SPOPL: variants seen among roughly 807,000 people sequenced by gnomAD.
SPOPL encodes speckle type BTB/POZ protein like, also known as speckle-type POZ protein-like.
SPOPL carries 23 observed loss-of-function variants against 53.8 expected under a neutral mutation model. That is an observed-to-expected ratio of 0.43 (90% CI 0.31 to 0.61). The LOEUF (loss-of-function observed/expected upper bound fraction) is 0.61, where lower values mean the gene tolerates loss of function less well. Ranked by LOEUF, SPOPL falls within the 20% of genes least tolerant of loss-of-function variation. The pLI, the probability that SPOPL is intolerant of heterozygous loss-of-function variation, is 0.12. For synonymous variants in SPOPL, 164 were observed against 149.7 expected (o/e 1.10, Z -0.70); for missense variants, 442 against 466.9 (o/e 0.95, Z 0.49).
chr2:138,526,726 A>AT (rs1684684339), intron 1 of SPOPL, among the ~76,000 whole-genome samples: 2 of 116,440 alleles, frequency 1.7e-5, no homozygotes, highest in Non-Finnish European at 4.2e-5. Context: ...TAGAGTATGG[A>AT]ATTTTTTTTT....
In SPOPL at chr2:138,565,611, G is replaced by T. The variant is rs113465040; in HGVS notation, c.1034+618G>T. Among the ~76,000 whole-genome samples, 969 of 151,972 alleles carry T rather than the reference G, an allele frequency of 6.4e-3. 5 individuals are homozygous for T. The highest frequency in any genetic ancestry group is 0.022 in the African/African-American group (927 of 41,448). ...ACTTTTATATTCTTTGTTATTATTT[G>T]AAATCACAATGGGGAAAGAAGTCAA... On this transcript the variant is annotated intron_variant, in intron 10 of 10. Coordinates refer to ENST00000280098, the MANE Select transcript of SPOPL (RefSeq NM_001001664.3).
intron 5 of SPOPL, among the ~76,000 whole-genome samples, chr2:138,556,640 A>T (rs1685430116): frequency 1.3e-5 from 2 of 152,168 alleles, no homozygotes; most frequent in Non-Finnish European, 2.9e-5. Flanking sequence ...GATTAGTGAA[A>T]CTTTTTTATA....
Position 138,568,941 on chromosome 2 carries a change from C to A in SPOPL, c.1040C>A (p.Ala347Glu). The A allele has an allele frequency of 6.2e-7, 1 of 1,613,654 alleles. No individual in the cohort carries two copies. Among genetic ancestry groups the A allele is most frequent in the Non-Finnish European group, 8.5e-7 (1 of 1,179,798 alleles). The stretch of plus-strand genomic sequence containing the variant: ...CTTTTAATTCTATTTTTCAGCCAAG[C>A]AACCGACATAATGGAAACATCAGGG... The part of the protein sequence containing the change: ...KDGKNWNSNQ[A>E]TDIMETSGWK... Residue 347 changes from alanine to glutamate, a missense_variant, in exon 11 of 11, where the codon GCA becomes GAA. Physicochemically the swap from Ala to Glu is moderately radical, Grantham distance 107. Transcript: ENST00000280098.
intron 1 of SPOPL, among the ~76,000 whole-genome samples, chr2:138,544,325 C>G (rs756295965): frequency 2.6e-5 from 4 of 152,204 alleles, no homozygotes; most frequent in African/African-American, 4.8e-5. Flanking sequence ...AGCCCTGCCC[C>G]CACAGGTGGA....
intron 1 of SPOPL, among the ~76,000 whole-genome samples, chr2:138,547,714 G>T (rs1157077380): frequency 6.6e-6 from 1 of 152,100 alleles, no homozygotes; most frequent in Non-Finnish European, 1.5e-5. Context: ...ATCAGCCAGA[G>T]ATAACCTTTT....
Position 138,550,978 on chromosome 2 carries a change from C to T in SPOPL, c.276C>T (p.Ser92=). The part of the protein sequence containing the change: ...DYLSLYLLLV[S]CPKSEVRAKF... ...TGTCCTTATATTTGCTTTTAGTCAG[C>T]TGCCCCAAAAGTGAAGTTCGAGCAA... Residue 92 remains serine, a synonymous_variant, in exon 4 of 11, where the codon AGC becomes AGT. Transcript: ENST00000280098. 1.2e-6 allele frequency: 2 copies of T among 1,613,528 alleles called. No individual in the cohort carries two copies. The highest frequency in any genetic ancestry group is 1.7e-6 in the Non-Finnish European group (2 of 1,179,638).
rs1399964360 is a variant in SPOPL, at chr2:138,545,575, A to G, written c.-60-4582A>G. Among the ~76,000 whole-genome samples the G allele has an allele frequency of 4.1e-5, 6 of 147,336 alleles. 1 individual carries two copies. The highest frequency in any genetic ancestry group is 9.0e-5 in the Non-Finnish European group (6 of 67,022). Reference sequence around the variant, plus strand: ...CAGCCTCCCGAGTAGCTGGGACTATAGGCGCCTGCCATCACACCCGGCTAA... The same window carrying G: ...CAGCCTCCCGAGTAGCTGGGACTATGGGCGCCTGCCATCACACCCGGCTAA... On this transcript the variant is annotated intron_variant, in intron 1 of 10. Coordinates refer to ENST00000280098, the MANE Select transcript of SPOPL (RefSeq NM_001001664.3).
intron 1 of SPOPL, among the ~76,000 whole-genome samples, chr2:138,541,847 C>A (rs1299856550): frequency 2.0e-5 from 3 of 152,132 alleles, no homozygotes; most frequent in African/African-American, 7.2e-5. Context: ...AATTTTAGAT[C>A]TTTCCTGCTT....
chr2:138,569,138 G>A lies in SPOPL; in HGVS notation c.*58G>A, dbSNP rs1685727963. On this transcript the variant is annotated 3_prime_UTR_variant, in exon 11 of 11. Transcript: ENST00000280098. Reference sequence around the variant, plus strand: ...ACTTTCACTCCTCCAGGTCCAGAAGGATTCTAATACACAAACCATAAGCAA... The same window carrying A: ...ACTTTCACTCCTCCAGGTCCAGAAGAATTCTAATACACAAACCATAAGCAA... 2.9e-5 allele frequency: 45 copies of A among 1,568,608 alleles called. 1 individual carries two copies. The South Asian group carries it at 4.9e-4, about 17-fold the overall frequency.
intron 1 of SPOPL, among the ~76,000 whole-genome samples, chr2:138,506,784 T>G (rs1052625531): frequency 1.3e-5 from 2 of 152,184 alleles, no homozygotes; most frequent in African/African-American, 4.8e-5. Context: ...CAAAGAGGTT[T>G]GGACTGGAAA....
intron 1 of SPOPL, among the ~76,000 whole-genome samples, chr2:138,538,102 A>T (rs935574819): frequency 1.3e-5 from 2 of 152,150 alleles, no homozygotes; most frequent in Admixed American, 6.6e-5. Context: ...AAATTTTTTT[A>T]AATTCGTCGA....
intron 1 of SPOPL, among the ~76,000 whole-genome samples, chr2:138,528,922 T>C (rs1178591678): frequency 6.6e-6 from 1 of 152,178 alleles, no homozygotes; most frequent in Non-Finnish European, 1.5e-5. Flanking sequence ...TTAGAGTTAA[T>C]TTGAGAATCA....
intron 1 of SPOPL, among the ~76,000 whole-genome samples, chr2:138,516,817 T>C (rs1023488529): frequency 6.6e-6 from 1 of 152,274 alleles, no homozygotes; most frequent in Non-Finnish European, 1.5e-5. Flanking sequence ...ATTCCTTTTT[T>C]CTAGATCCTT....
intron 1 of SPOPL, among the ~76,000 whole-genome samples, chr2:138,537,191 G>C (rs555710628): frequency 2.0e-5 from 3 of 152,270 alleles, no homozygotes; most frequent in Non-Finnish European, 4.4e-5. Context: ...CTCAGACACC[G>C]AGTTGAGGAA....
chr2:138,567,850 T>C (rs1366552745), intron 10 of SPOPL, among the ~76,000 whole-genome samples: 2 of 152,132 alleles, frequency 1.3e-5, no homozygotes, highest in South Asian at 2.1e-4. Context: ...AAGTAGAGAA[T>C]TGAGGCAAGG....
At chr2:138,548,239 CT>C (rs34021497) in intron 1 of SPOPL, among the ~76,000 whole-genome samples, 67,743 of 88,986 alleles carry the variant, frequency 0.76, 24,657 homozygotes, top group East Asian at 0.88. Flanking sequence ...TGAAGGTAAA[CT>C]TTTTTTTTTT....
At chr2:138,552,507 TC>T in intron 4 of SPOPL, 46 bp from the exon 5 acceptor site, 2 of 1,568,724 alleles carry the variant, frequency 1.3e-6, no homozygotes, top group Non-Finnish European at 1.7e-6. Flanking sequence ...GTTTAAAAAG[TC>T]TCTTGGATAT....
chr2:138,533,394 T>C (rs183542181), intron 1 of SPOPL, among the ~76,000 whole-genome samples: 9 of 152,184 alleles, frequency 5.9e-5, no homozygotes, highest in African/African-American at 2.2e-4. Flanking sequence ...TCTCTCATAT[T>C]ATCATATTCA....
intron 1 of SPOPL, 112 bp downstream of exon 1, chr2:138,502,231 T>G (rs1370948202): frequency 6.6e-6 from 1 of 152,402 alleles, no homozygotes; most frequent in East Asian, 2.0e-4. Context: ...CTGCGCCCTC[T>G]GCTCTCTGGG....
Sources: allele counts gnomAD v4.1 joint callset (sites outside exome capture counted in the v4.1 genomes callset), GRCh38; gene constraint gnomAD v4.1.1; transcripts MANE v1.5; gene names NCBI Gene and HGNC (gene_info 2026-07-23, HGNC 2026-07-21).